AVEN: variants seen among roughly 807,000 people sequenced by gnomAD.
AVEN encodes the protein apoptosis and caspase activation inhibitor.
Under a neutral mutation model 38.1 loss-of-function variants are expected in AVEN, and 41 were observed. The ratio of observed to expected loss-of-function variants is 1.08; its 90% CI spans 0.84 to 1.40. The LOEUF is 1.40. AVEN is among the 40% of genes most tolerant of loss of function. AVEN has a pLI of 0.00. For missense variants in AVEN, 605 were observed against 438.8 expected (o/e 1.38, Z -3.38); for synonymous variants, 206 against 171.8 (o/e 1.20, Z -1.56).
At chr15:34,035,127 C>T (rs1056108416) in intron 1 of AVEN, among the ~76,000 whole-genome samples, 1 of 152,142 alleles carries the variant, frequency 6.6e-6, no homozygotes, top group African/African-American at 2.4e-5. Flanking sequence ...TCAACGCCAT[C>T]GGGTATTAAT....
At chr15:34,004,361 T>C (rs971311959) in intron 1 of AVEN, among the ~76,000 whole-genome samples, 4 of 151,980 alleles carry the variant, frequency 2.6e-5, no homozygotes, top group Non-Finnish European at 5.9e-5. Flanking sequence ...GTTTCTTCAA[T>C]AAATAAACTG....
chr15:34,021,168 A>G (rs1413325699), intron 1 of AVEN, among the ~76,000 whole-genome samples: 1 of 152,140 alleles, frequency 6.6e-6, no homozygotes, highest in Non-Finnish European at 1.5e-5. Context: ...GAATTTTTCT[A>G]TGAAAAAATT....
chr15:34,053,692 A>C (rs374910276), intron 5 of AVEN, among the ~76,000 whole-genome samples: 1 of 152,304 alleles, frequency 6.6e-6, no homozygotes, highest in Non-Finnish European at 1.5e-5. Context: ...GATGAATTAA[A>C]GATTTAAATG....
intron 2 of AVEN, among the ~76,000 whole-genome samples, chr15:33,954,708 C>G (rs1009365612): frequency 6.6e-6 from 1 of 151,786 alleles, no homozygotes; most frequent in African/African-American, 2.4e-5. Context: ...ATGTAAACGA[C>G]GAGTTAATGG....
chr15:33,859,172 GGGGA>G, intron 11 of AVEN: 1 of 167,132 alleles, frequency 6.0e-6, no homozygotes, highest in Non-Finnish European at 1.3e-5. Flanking sequence ...CCAGGTGTAA[GGGGA>G]ATGTGGATGA....
chr15:34,032,458 G>A (rs1467853920), intron 1 of AVEN, among the ~76,000 whole-genome samples: 1 of 152,178 alleles, frequency 6.6e-6, no homozygotes, highest in Non-Finnish European at 1.5e-5. Flanking sequence ...TTAAAACAAA[G>A]AGAGTAACAC....
At chr15:33,980,570 A>G (rs1252513147) in intron 2 of AVEN, among the ~76,000 whole-genome samples, 1 of 152,160 alleles carries the variant, frequency 6.6e-6, no homozygotes, top group Non-Finnish European at 1.5e-5. Flanking sequence ...AGATCAGGCA[A>G]AAGGCATCAA....
chr15:33,980,197 G>A (rs1366019414), intron 2 of AVEN, among the ~76,000 whole-genome samples: 1 of 152,212 alleles, frequency 6.6e-6, no homozygotes, highest in Non-Finnish European at 1.5e-5. Context: ...AAGTATGTAA[G>A]TATGTCAGGA....
chr15:33,960,607 C>G (rs1895125433), intron 2 of AVEN, among the ~76,000 whole-genome samples: 1 of 152,194 alleles, frequency 6.6e-6, no homozygotes, highest in Non-Finnish European at 1.5e-5. Context: ...AAAATGAACT[C>G]TTTTGAAGGG....
chr15:33,925,672 G>A (rs747085694), intron 2 of AVEN, among the ~76,000 whole-genome samples: 1 of 152,184 alleles, frequency 6.6e-6, no homozygotes, highest in Non-Finnish European at 1.5e-5. Flanking sequence ...TGAATGAGGT[G>A]CATTATAAAG....
chr15:34,058,109 C>T (rs556350717), intron 5 of AVEN, among the ~76,000 whole-genome samples: 4 of 152,214 alleles, frequency 2.6e-5, no homozygotes, highest in East Asian at 1.9e-4. Flanking sequence ...TCTTTTCATT[C>T]GGCACCTCAG....
At chr15:33,916,249 A>G (rs1893131980) in intron 2 of AVEN, among the ~76,000 whole-genome samples, 1 of 152,108 alleles carries the variant, frequency 6.6e-6, no homozygotes, top group African/African-American at 2.4e-5. Flanking sequence ...ACAAAACTAC[A>G]ACTAAGGACC....
In AVEN at chr15:33,867,627, G is replaced by A. The variant is rs1410896159; in HGVS notation, c.841C>T (p.His281Tyr). 15 of 1,614,148 alleles carry A rather than the reference G, an allele frequency of 9.3e-6. No individual in the cohort carries two copies. The highest frequency in any genetic ancestry group is 1.1e-5 in the Non-Finnish European group (13 of 1,180,030). ...AACAGATCTAGTTCTTCTTCCAAAT[G>A]GTCTCCTGCTGACTGCAGTGGGGAA... ...PTSPLQSAGD[H>Y]LEEELDLLLN... is the part of the protein sequence containing the mutation. The change falls in exon 5 of 6, where the codon CAT (histidine) becomes TAT (tyrosine). Residue 281 changes from histidine (H) to tyrosine (Y), a missense_variant. Coordinates refer to ENST00000306730, the MANE Select transcript of AVEN (RefSeq NM_020371.3).
At chr15:33,912,494 G>C (rs1008580774) in intron 2 of AVEN, among the ~76,000 whole-genome samples, 2 of 152,138 alleles carry the variant, frequency 1.3e-5, no homozygotes, top group Non-Finnish European at 2.9e-5. Flanking sequence ...TACCTATAAT[G>C]TTAAGGACAA....
chr15:34,017,544 G>A (rs1049867968), intron 1 of AVEN, among the ~76,000 whole-genome samples: 14 of 141,434 alleles, frequency 9.9e-5, no homozygotes, highest in African/African-American at 3.6e-4. Context: ...GTGCAGTACT[G>A]CGATCAGCTT....
chr15:34,031,119 GTT>G (rs57568607), intron 1 of AVEN, among the ~76,000 whole-genome samples: 27,844 of 147,256 alleles, frequency 0.19, 4,554 homozygotes, highest in African/African-American at 0.44. Flanking sequence ...ATACATATGA[GTT>G]TTTTTTTGTA....
chr15:33,861,459 T>C (rs531022164), downstream of AVEN, among the ~76,000 whole-genome samples: 140 of 150,860 alleles, frequency 9.3e-4, no homozygotes, highest in Non-Finnish European at 1.9e-3. Flanking sequence ...ACTGGACTTC[T>C]TCTATCACCA....
chr15:34,044,703 T>G (rs1365476471), intron 5 of AVEN, among the ~76,000 whole-genome samples: 1 of 147,776 alleles, frequency 6.8e-6, no homozygotes, highest in Non-Finnish European at 1.5e-5. Flanking sequence ...GTTAAATGGG[T>G]CCAGTTTATG....
chr15:33,984,313 G>A (rs997973413), intron 2 of AVEN, among the ~76,000 whole-genome samples: 10 of 151,830 alleles, frequency 6.6e-5, no homozygotes, highest in African/African-American at 2.4e-4. Flanking sequence ...ATAAGTAATT[G>A]GACCTTAATG....
Sources: allele counts gnomAD v4.1 joint callset (sites outside exome capture counted in the v4.1 genomes callset), GRCh38; gene constraint gnomAD v4.1.1; transcripts MANE v1.5; gene names NCBI Gene and HGNC (gene_info 2026-07-23, HGNC 2026-07-21).